NCOR1: variants seen among roughly 807,000 people sequenced by gnomAD.
The protein encoded by NCOR1 is nuclear receptor corepressor 1.
A neutral mutation model predicts 288.1 loss-of-function variants in NCOR1; 63 were observed. The ratio of observed to expected loss-of-function variants is 0.22; its 90% CI spans 0.18 to 0.27. The LOEUF is 0.27. Among genes scored for constraint, NCOR1 ranks in the 10% least tolerant of loss-of-function variants. The pLI is 1.00. For synonymous variants in NCOR1, 1,007 were observed against 1,065.9 expected, an observed-to-expected ratio of 0.94 and a Z score of 1.08; for missense variants, 2,397 against 3,019.2, an observed-to-expected ratio of 0.79 and a Z score of 4.83.
intron 5 of NCOR1, among the ~76,000 whole-genome samples, chr17:16,163,065 A>C (rs1460646408): frequency 1.3e-5 from 2 of 152,190 alleles, no homozygotes; most frequent in African/African-American, 2.4e-5. Flanking sequence ...AGGTAAAACT[A>C]TAAAATGTGT....
At chr17:16,182,612 G>A (rs926393807) in intron 3 of NCOR1, among the ~76,000 whole-genome samples, 23 of 152,112 alleles carry the variant, frequency 1.5e-4, no homozygotes, top group African/African-American at 5.1e-4. Flanking sequence ...CCACCACCAC[G>A]CCCGGCTAAT....
At chr17:16,166,705 T>C (rs958625926) in intron 4 of NCOR1, among the ~76,000 whole-genome samples, 1 of 151,874 alleles carries the variant, frequency 6.6e-6, no homozygotes, top group Admixed American at 6.6e-5. Context: ...AAAATCAGAT[T>C]TGGTGTATAA....
At chr17:16,169,358 T>C (rs995990338) in intron 4 of NCOR1, among the ~76,000 whole-genome samples, 21 of 152,174 alleles carry the variant, frequency 1.4e-4, no homozygotes, top group African/African-American at 4.8e-4. Flanking sequence ...AACATGAAAA[T>C]GTTAATAACT....
rs953676249 is a variant in NCOR1 at position 16,091,780 on chromosome 17, A to G, written c.3016+83T>C. On this transcript the variant is annotated intron_variant, in intron 22 of 45. Coordinates refer to ENST00000268712, the MANE Select transcript of NCOR1 (RefSeq NM_006311.4). ...TAATCAGTTGGGAGGCTGACAACTT[A>G]CAAAGCACAATGGACACTGCTTTTG... The G allele has an allele frequency of 1.8e-5, 29 of 1,593,226 alleles. No individual in the cohort carries two copies. In the South Asian group the frequency reaches 2.6e-4, roughly 14 times the overall value.
chr17:16,032,788 G>A (rs1046718284), intron 45 of NCOR1, among the ~76,000 whole-genome samples: 3 of 152,194 alleles, frequency 2.0e-5, no homozygotes, highest in Non-Finnish European at 4.4e-5. Context: ...ATGTTTCCAT[G>A]GAGAATCACA....
At chr17:16,091,742 A>G in intron 22 of NCOR1, 121 bp downstream of exon 22, 1 of 1,538,422 alleles carries the variant, frequency 6.5e-7, no homozygotes, top group Non-Finnish European at 8.8e-7. Context: ...TGTGTCTGTT[A>G]GGACAAATAT....
At chr17:16,095,394 G>C (rs1288147496) in intron 21 of NCOR1, among the ~76,000 whole-genome samples, 4 of 141,710 alleles carry the variant, frequency 2.8e-5, no homozygotes, top group Admixed American at 6.8e-5. Flanking sequence ...GGAGGGAGGT[G>C]GGGGGTCAGC....
chr17:16,203,445 T>C (rs549493368), intron 1 of NCOR1, among the ~76,000 whole-genome samples: 1 of 152,302 alleles, frequency 6.6e-6, no homozygotes, highest in African/African-American at 2.4e-5. Flanking sequence ...TGTTCCTGGC[T>C]CATTCAGGTG....
At chr17:16,084,066 G>A (rs148215681) in intron 23 of NCOR1, 1 of 152,108 alleles carries the variant, frequency 6.6e-6, no homozygotes, top group Non-Finnish European at 1.5e-5. Context: ...AAAAAAAGCA[G>A]GTTCTGAAGT....
At chr17:16,191,756 A>G (rs192058305) in intron 2 of NCOR1, 1 of 152,320 alleles carries the variant, frequency 6.6e-6, no homozygotes, top group Non-Finnish European at 1.5e-5. Flanking sequence ...AAATTTTATG[A>G]AAATTGTAAA....
At chr17:16,178,008 G>C (rs190045878) in intron 3 of NCOR1, among the ~76,000 whole-genome samples, 1 of 151,882 alleles carries the variant, frequency 6.6e-6, no homozygotes, top group African/African-American at 2.4e-5. Flanking sequence ...TCAGGAGTTC[G>C]AGACTAGCCT....
At chr17:16,066,589 T>C (rs1029393111) in intron 32 of NCOR1, among the ~76,000 whole-genome samples, 2 of 152,228 alleles carry the variant, frequency 1.3e-5, no homozygotes, top group African/African-American at 2.4e-5. Context: ...TTTATATGTA[T>C]ATGTTCTCCC....
chr17:16,042,888 G>A (rs2057998412), intron 42 of NCOR1, among the ~76,000 whole-genome samples: 1 of 152,120 alleles, frequency 6.6e-6, no homozygotes, highest in African/African-American at 2.4e-5. Context: ...AGGAAAAGCT[G>A]GGCTACAGAT....
intron 3 of NCOR1, 31 bp downstream of exon 3, chr17:16,186,523 C>T (rs772762602): frequency 6.3e-7 from 1 of 1,597,938 alleles, no homozygotes; most frequent in African/African-American, 1.4e-5. Flanking sequence ...AATTATAATC[C>T]TAGATAGAAA....
At chr17:16,196,774 A>G (rs368658037) in intron 1 of NCOR1, among the ~76,000 whole-genome samples, 2 of 150,290 alleles carry the variant, frequency 1.3e-5, no homozygotes, top group East Asian at 3.9e-4. Context: ...GCCGTGAGCC[A>G]AGATCGGGCC....
intron 4 of NCOR1, among the ~76,000 whole-genome samples, chr17:16,165,409 G>T (rs1238725292): frequency 6.6e-6 from 1 of 152,168 alleles, no homozygotes; most frequent in Non-Finnish European, 1.5e-5. Context: ...GTGTTGATCA[G>T]CCTCTAGTAT....
At chr17:16,150,919 TA>T (rs2078742617) in intron 8 of NCOR1, among the ~76,000 whole-genome samples, 2 of 152,130 alleles carry the variant, frequency 1.3e-5, no homozygotes, top group Admixed American at 1.3e-4. Flanking sequence ...TAACAAAAGT[TA>T]AAATTATTCA....
intron 1 of NCOR1, among the ~76,000 whole-genome samples, chr17:16,211,266 T>A (rs1323917787): frequency 1.3e-5 from 2 of 151,490 alleles, no homozygotes; most frequent in Non-Finnish European, 2.9e-5. Context: ...TTTATTTATT[T>A]TTTTTTTTGA....
chr17:16,136,260 A>G (rs895220627), intron 14 of NCOR1, among the ~76,000 whole-genome samples: 2 of 152,190 alleles, frequency 1.3e-5, no homozygotes, highest in Non-Finnish European at 2.9e-5. Context: ...ATCATGGCTC[A>G]CTGCAGCCTC....
Sources: allele counts gnomAD v4.1 joint callset (sites outside exome capture counted in the v4.1 genomes callset), GRCh38; gene constraint gnomAD v4.1.1; transcripts MANE v1.5; gene names NCBI Gene and HGNC (gene_info 2026-07-23, HGNC 2026-07-21).